RNASE13: variants seen among roughly 807,000 people sequenced by gnomAD.
The protein encoded by RNASE13 is ribonuclease A family member 13 (inactive), also known as probable inactive ribonuclease-like protein 13.
For synonymous variants in RNASE13, 67 were observed against 71.6 expected, an observed-to-expected ratio of 0.94 and a Z score of 0.32; for missense variants, 188 against 192.8, an observed-to-expected ratio of 0.98 and a Z score of 0.15.
In RNASE13 at chr14:21,032,924, T is replaced by C. The variant is rs1436052311; in HGVS notation, c.*894A>G. 1 of 455,896 alleles carries C rather than the reference T, an allele frequency of 2.2e-6. No individual in the cohort carries two copies. Among genetic ancestry groups the C allele is most frequent in the Admixed American group, 2.3e-5 (1 of 42,578 alleles). 28.2% of individuals were successfully genotyped at this position (455,896 alleles called of 1,614,324 possible). A position where few individuals can be genotyped will look rare whatever the true frequency, so the allele number is the denominator to read the frequency against. The stretch of plus-strand genomic sequence containing the variant: ...CCCTTCACCCAGTTTCCCCCAATGG[T>C]TACATCTTACATACTCAGATGTGGT... On this transcript the variant is annotated 3_prime_UTR_variant, in exon 2 of 2. Transcript: ENST00000382951.
At position 21,034,300 on chromosome 14, in the gene RNASE13, G is replaced by A; in HGVS notation, c.-8-4C>T. On this transcript the variant is annotated splice_region_variant and splice_polypyrimidine_tract_variant and intron_variant, in intron 1 of 1. Transcript: ENST00000382951. Reference sequence around the variant, plus strand: ...ACAGCTGGTGCCATTCCTCCTGCTGGTAGAGTTAAGGTGGTTGGGGGCAGC... The same window carrying A: ...ACAGCTGGTGCCATTCCTCCTGCTGATAGAGTTAAGGTGGTTGGGGGCAGC... The A allele has an allele frequency of 1.3e-6, 2 of 1,597,104 alleles. No homozygotes were observed. The highest frequency in any genetic ancestry group is 1.1e-5 in the South Asian group (1 of 88,308).
At position 21,033,734 on chromosome 14, in the gene RNASE13, A is replaced by C. The variant is rs756849240; in HGVS notation, c.*84T>G. On this transcript the variant is annotated 3_prime_UTR_variant, in exon 2 of 2. Coordinates refer to ENST00000382951, the MANE Select transcript of RNASE13 (RefSeq NM_001012264.4). ...GACCCTGCCTGCCTCGTAAGTCAGG[A>C]AGGAAGTCTTGTTACAGGGATCAGA... 4 of 978,824 alleles carry C rather than the reference A, an allele frequency of 4.1e-6. No homozygotes were observed. The highest frequency in any genetic ancestry group is 6.6e-6 in the Non-Finnish European group (4 of 602,988). The allele number at this position is 978,824 out of a possible 1,614,324, so 60.6% of individuals were successfully genotyped here. A position where few individuals can be genotyped will look rare whatever the true frequency, so the allele number is the denominator to read the frequency against.
At position 21,034,136 on chromosome 14, in the gene RNASE13, A is replaced by G; in HGVS notation, c.153T>C (p.Tyr51=). The change falls in exon 2 of 2, where the codon TAT becomes TAC. Residue 51 remains tyrosine (Y), a synonymous_variant. Coordinates refer to ENST00000382951, the MANE Select transcript of RNASE13 (RefSeq NM_001012264.4). ...GCATATAGGACATCAGACCATTACA[A>G]TAGCCCCGGAAACCCTTTGGGTAGT... is the stretch of plus-strand genomic sequence containing the variant. The part of the protein sequence containing the change: ...RVNYPKGFRG[Y]CNGLMSYMRG... 2 of 1,614,200 alleles carry G rather than the reference A, an allele frequency of 1.2e-6. No individual in the cohort carries two copies. The highest frequency in any genetic ancestry group is 1.1e-5 in the South Asian group (1 of 91,078).
Position 21,034,070 on chromosome 14 carries a change from A to C in RNASE13, c.219T>G (p.Tyr73Ter). ...MQNSDCPKIHYVIHAPWKAIQ... is the reference protein window; with the variant it reads ...MQNSDCPKIH ...TGGCCTTCCAAGGGGCATGTATCAC[A>C]TAATGGATCTTTGGGCAATCTGAAT... is the stretch of plus-strand genomic sequence containing the variant. Residue 73 changes from tyrosine to a stop codon, truncating the protein, a stop_gained, in exon 2 of 2, where the codon TAT (tyrosine) becomes TAG (stop). Transcript: ENST00000382951. LOFTEE classifies it low-confidence loss of function (END_TRUNC). 6.2e-7 allele frequency: 1 copy of C among 1,614,194 alleles called. No individual in the cohort carries two copies. Among genetic ancestry groups the C allele is most frequent in the Non-Finnish European group, 8.5e-7 (1 of 1,180,016 alleles).
At position 21,033,830 on chromosome 14, in the gene RNASE13, A is replaced by T; in HGVS notation, c.459T>A (p.Tyr153Ter). The T allele has an allele frequency of 6.2e-7, 1 of 1,610,070 alleles. No homozygotes were observed. The highest frequency in any genetic ancestry group is 8.5e-7 in the Non-Finnish European group (1 of 1,176,348). The stretch of plus-strand genomic sequence containing the variant: ...AGTGGCTCAGGAATTAAATTCCCGA[A>T]TAGAGACCAGCGATACCTATTGGAT... ...EADPIGIAGLYSGI is the reference protein window; with the variant it reads ...EADPIGIAGL The change falls in exon 2 of 2, where the codon TAT becomes TAA. Residue 153 changes from tyrosine (Y) to a stop codon, truncating the protein, a stop_gained. Coordinates refer to ENST00000382951, the MANE Select transcript of RNASE13 (RefSeq NM_001012264.4). LOFTEE classifies it high-confidence loss of function.
rs956132948 is a variant in RNASE13, at chr14:21,034,183, T to G, written c.106A>C (p.Ser36Arg). 1 of 1,613,902 alleles carries G rather than the reference T, an allele frequency of 6.2e-7. No individual in the cohort carries two copies. The highest frequency in any genetic ancestry group is 1.3e-5 in the African/African-American group (1 of 74,966). The change falls in exon 2 of 2, where the codon AGC becomes CGC. Residue 36 changes from serine to arginine, a missense_variant. Physicochemically the swap from Ser to Arg is moderately radical, Grantham distance 110. Coordinates refer to ENST00000382951, the MANE Select transcript of RNASE13 (RefSeq NM_001012264.4). ...QIGSRNFYTL[S>R]IDYPRVNYPK... ...TAGTTAACCCTGGGATAGTCAATGC[T>G]TAAGGTATAGAAGTTCCTGCTGCCA... is the stretch of plus-strand genomic sequence containing the variant.
rs1222439675 is a variant in RNASE13 at position 21,033,902 on chromosome 14, T to C, written c.387A>G (p.Leu129=). 6 of 1,613,930 alleles carry C rather than the reference T, an allele frequency of 3.7e-6. No individual in the cohort carries two copies. The African/African-American group carries it at 8.0e-5, about 22-fold the overall frequency. ...AGAGTAGGTAGAGCTTCTGGTTGGTTAGGGTGCTATTGTAGTAGCAGCTAG... is the reference window on the plus strand; with the variant it reads ...AGAGTAGGTAGAGCTTCTGGTTGGTCAGGGTGCTATTGTAGTAGCAGCTAG... ...PPTSCYYNST[L]TNQKLYLLCS... Residue 129 remains leucine (L), a synonymous_variant, in exon 2 of 2, where the codon CTA becomes CTG. Transcript: ENST00000382951.
chr14:21,033,762 G>T lies in RNASE13; in HGVS notation c.*56C>A. 8.6e-7 allele frequency: 1 copy of T among 1,156,982 alleles called. No individual in the cohort carries two copies. Among genetic ancestry groups the T allele is most frequent in the Non-Finnish European group, 1.3e-6 (1 of 763,148 alleles). The allele number at this position is 1,156,982 out of a possible 1,614,324, so 71.7% of individuals were successfully genotyped here. A position where few individuals can be genotyped will look rare whatever the true frequency, so the allele number is the denominator to read the frequency against. On this transcript the variant is annotated 3_prime_UTR_variant, in exon 2 of 2. Transcript: ENST00000382951. ...GAAGTCTTGTTACAGGGATCAGAGT[G>T]TTGGAAATGGAGACAGCTGGCCTGT...
chr14:21,034,417 T>C, intron 1 of RNASE13, 121 bp from the exon 2 acceptor site: 1 of 693,360 alleles, frequency 1.4e-6, no homozygotes, highest in Admixed American at 2.9e-5. Context: ...CATAACCAAG[T>C]TCTCATGACC....
chr14:21,034,377 A>G (rs1359528568), intron 1 of RNASE13, 81 bp from the exon 2 acceptor site: 4 of 885,562 alleles, frequency 4.5e-6, no homozygotes, highest in Middle Eastern at 3.5e-4. Context: ...AGCATTCCCA[A>G]CCCAACAGTA....
rs748907411 is a variant in RNASE13 at position 21,033,732 on chromosome 14, G to A, written c.*86C>T. 1.5e-5 allele frequency: 15 copies of A among 974,178 alleles called. No individual in the cohort carries two copies. The East Asian group carries it at 3.4e-4, about 22-fold the overall frequency. The allele number at this position is 974,178 out of a possible 1,614,324, so 60.3% of individuals were successfully genotyped here. Reference sequence around the variant, plus strand: ...GGGACCCTGCCTGCCTCGTAAGTCAGGAAGGAAGTCTTGTTACAGGGATCA... The same window carrying A: ...GGGACCCTGCCTGCCTCGTAAGTCAAGAAGGAAGTCTTGTTACAGGGATCA... On this transcript the variant is annotated 3_prime_UTR_variant, in exon 2 of 2. Transcript: ENST00000382951.
At position 21,033,480 on chromosome 14, in the gene RNASE13, T is replaced by A; in HGVS notation, c.*338A>T. The A allele has an allele frequency of 2.9e-6, 1 of 350,430 alleles. No homozygotes were observed. 21.7% of individuals were successfully genotyped at this position (350,430 alleles called of 1,614,324 possible). A position where few individuals can be genotyped will look rare whatever the true frequency, so the allele number is the denominator to read the frequency against. On this transcript the variant is annotated 3_prime_UTR_variant, in exon 2 of 2. Coordinates refer to ENST00000382951, the MANE Select transcript of RNASE13 (RefSeq NM_001012264.4). ...GTTGCCATGGTGTGAGCTGAGGCCC[T>A]GGGCCTCCATCCAGGACTTAGGATC... is the stretch of plus-strand genomic sequence containing the variant.
In RNASE13 at chr14:21,034,084, G is replaced by C; in HGVS notation, c.205C>G (p.Pro69Ala). ...MRGKMQNSDCPKIHYVIHAPW... is the reference protein window; with the variant it reads ...MRGKMQNSDCAKIHYVIHAPW... Reference sequence around the variant, plus strand: ...GCATGTATCACATAATGGATCTTTGGGCAATCTGAATTTTGCATCTTGCCT... The same window carrying C: ...GCATGTATCACATAATGGATCTTTGCGCAATCTGAATTTTGCATCTTGCCT... Residue 69 changes from proline (P) to alanine (A), a missense_variant, in exon 2 of 2, where the codon CCA becomes GCA. Transcript: ENST00000382951. The C allele has an allele frequency of 6.2e-7, 1 of 1,614,108 alleles. No homozygotes were observed. The highest frequency in any genetic ancestry group is 8.5e-7 in the Non-Finnish European group (1 of 1,180,010).
rs1280857344 is a variant in RNASE13, at chr14:21,034,235, A to C, written c.54T>G (p.Thr18=). 6.2e-7 allele frequency: 1 copy of C among 1,614,010 alleles called. No homozygotes were observed. The highest frequency in any genetic ancestry group is 1.7e-5 in the Admixed American group (1 of 60,006). The change falls in exon 2 of 2, where the codon ACT becomes ACG. Residue 18 remains threonine (T), a synonymous_variant. Coordinates refer to ENST00000382951, the MANE Select transcript of RNASE13 (RefSeq NM_001012264.4). ...TCTGCATCTTGATGTCCATGACCAG[A>C]GTTGGCCCCAGAACAAGCTGGAGGA... The part of the protein sequence containing the change: ...LLFLQLVLGP[T]LVMDIKMQIG...
In RNASE13 at chr14:21,034,137, T is replaced by G. The variant is rs773783067; in HGVS notation, c.152A>C (p.Tyr51Ser). Residue 51 changes from tyrosine (Y) to serine (S), a missense_variant, in exon 2 of 2, where the codon TAT becomes TCT. Coordinates refer to ENST00000382951, the MANE Select transcript of RNASE13 (RefSeq NM_001012264.4). ...CATATAGGACATCAGACCATTACAA[T>G]AGCCCCGGAAACCCTTTGGGTAGTT... is the stretch of plus-strand genomic sequence containing the variant. The part of the protein sequence containing the change: ...RVNYPKGFRG[Y>S]CNGLMSYMRG... 56 of 1,614,078 alleles carry G rather than the reference T, an allele frequency of 3.5e-5. No homozygotes were observed. In the East Asian group the frequency reaches 1.2e-3, roughly 36 times the overall value.
Position 21,034,170 on chromosome 14 carries a change from G to T in RNASE13, c.119C>A (p.Pro40His). Reference sequence around the variant, plus strand: ...GAAACCCTTTGGGTAGTTAACCCTGGGATAGTCAATGCTTAAGGTATAGAA... The same window carrying T: ...GAAACCCTTTGGGTAGTTAACCCTGTGATAGTCAATGCTTAAGGTATAGAA... ...RNFYTLSIDY[P>H]RVNYPKGFRG... Residue 40 changes from proline to histidine, a missense_variant, in exon 2 of 2, where the codon CCC becomes CAC. Transcript: ENST00000382951. 1 of 1,614,000 alleles carries T rather than the reference G, an allele frequency of 6.2e-7. No homozygotes were observed. The highest frequency in any genetic ancestry group is 8.5e-7 in the Non-Finnish European group (1 of 1,179,954).
At position 21,033,899 on chromosome 14, in the gene RNASE13, G is replaced by A. The variant is rs761613658; in HGVS notation, c.390C>T (p.Thr130=). 6.2e-7 allele frequency: 1 copy of A among 1,614,076 alleles called. No individual in the cohort carries two copies. Among genetic ancestry groups the A allele is most frequent in the Non-Finnish European group, 8.5e-7 (1 of 1,179,946 alleles). ...PTSCYYNSTL[T]NQKLYLLCSR... ...AGCAGAGTAGGTAGAGCTTCTGGTT[G>A]GTTAGGGTGCTATTGTAGTAGCAGC... is the stretch of plus-strand genomic sequence containing the variant. The change falls in exon 2 of 2, where the codon ACC becomes ACT. Residue 130 remains threonine, a synonymous_variant. Transcript: ENST00000382951.
In RNASE13 at chr14:21,034,058, G is replaced by A. The variant is rs555394501; in HGVS notation, c.231C>T (p.Ala77=). 1 of 1,614,060 alleles carries A rather than the reference G, an allele frequency of 6.2e-7. No individual in the cohort carries two copies. Among genetic ancestry groups the A allele is most frequent in the South Asian group, 1.1e-5 (1 of 91,074 alleles). ...AGAACTTCTGGATGGCCTTCCAAGG[G>A]GCATGTATCACATAATGGATCTTTG... ...DCPKIHYVIH[A]PWKAIQKFCK... is the part of the protein sequence containing the mutation. Residue 77 remains alanine, a synonymous_variant, in exon 2 of 2, where the codon GCC becomes GCT. Coordinates refer to ENST00000382951, the MANE Select transcript of RNASE13 (RefSeq NM_001012264.4).
At position 21,033,611 on chromosome 14, in the gene RNASE13, G is replaced by A; in HGVS notation, c.*207C>T. The A allele has an allele frequency of 1.7e-6, 1 of 596,724 alleles. No individual in the cohort carries two copies. The highest frequency in any genetic ancestry group is 3.0e-6 in the Non-Finnish European group (1 of 333,326). The allele number at this position is 596,724 out of a possible 1,614,324, so 37.0% of individuals were successfully genotyped here. A position where few individuals can be genotyped will look rare whatever the true frequency, so the allele number is the denominator to read the frequency against. On this transcript the variant is annotated 3_prime_UTR_variant, in exon 2 of 2. Transcript: ENST00000382951. ...GATGATGAGGAGGTGGGGGCGAAGA[G>A]GGGGTAAACAAGCTGGAAAGAACCT...
Sources: allele counts gnomAD v4.1 joint callset, GRCh38; gene constraint gnomAD v4.1.1; transcripts MANE v1.5; gene names NCBI Gene and HGNC (gene_info 2026-07-23, HGNC 2026-07-21).